Variants in TOR1AIP1 observed in about 807,000 individuals in gnomAD.
TOR1AIP1 encodes the protein torsin 1A interacting protein 1, also known as torsin-1A-interacting protein 1.
In TOR1AIP1, 54 loss-of-function variants were observed where a neutral mutation model predicts 63.3. The observed-to-expected ratio is 0.85, with a 90% CI of 0.69 to 1.07. The LOEUF (loss-of-function observed/expected upper bound fraction) is 1.07, where lower values mean the gene tolerates loss of function less well. TOR1AIP1 is among the 50% of genes least tolerant of loss of function. The probability of loss-of-function intolerance (pLI) is 0.00; values close to 1 mark genes in which losing one functional copy is unlikely to be tolerated. For synonymous variants in TOR1AIP1, 294 were observed against 273.5 expected, an observed-to-expected ratio of 1.07 and a Z score of -0.74; for missense variants, 736 against 715.0, an observed-to-expected ratio of 1.03 and a Z score of -0.33.
chr1:179,908,303 C>T (rs537378883), intron 7 of TOR1AIP1, among the ~76,000 whole-genome samples: 17 of 152,228 alleles, frequency 1.1e-4, no homozygotes, highest in East Asian at 1.9e-4. Context: ...TAATTCACCA[C>T]GGATTGGTAC....
chr1:179,913,720 G>A (rs530576952), intron 8 of TOR1AIP1: 1 of 696,810 alleles, frequency 1.4e-6, no homozygotes, highest in East Asian at 2.7e-5. Context: ...ATACTTAATG[G>A]GTCAAATACT....
chr1:179,895,586 C>T (rs560614050), intron 3 of TOR1AIP1, among the ~76,000 whole-genome samples: 203 of 151,592 alleles, frequency 1.3e-3, no homozygotes, highest in Middle Eastern at 6.8e-3. Context: ...CCAGCCTAGG[C>T]GACAAAAAGA....
intron 6 of TOR1AIP1, among the ~76,000 whole-genome samples, chr1:179,906,906 T>A: frequency 6.6e-6 from 1 of 151,496 alleles, no homozygotes. Context: ...CCTGGCTAAT[T>A]TTTTATATAT....
intron 3 of TOR1AIP1, 115 bp downstream of exon 3, chr1:179,889,484 T>G: frequency 1.3e-6 from 1 of 796,708 alleles, no homozygotes; most frequent in Non-Finnish European, 1.9e-6. Context: ...TAAATATACA[T>G]TAAAAAATCT....
intron 3 of TOR1AIP1, among the ~76,000 whole-genome samples, chr1:179,892,500 G>A (rs1249708410): frequency 6.6e-6 from 1 of 151,232 alleles, no homozygotes; most frequent in African/African-American, 2.4e-5. Context: ...TTCTTTGGGA[G>A]GCCAAGGCGG....
chr1:179,882,861 A>G lies in TOR1AIP1; in HGVS notation c.359A>G (p.Glu120Gly). 1.2e-6 allele frequency: 2 copies of G among 1,614,192 alleles called. No homozygotes were observed. Among genetic ancestry groups the G allele is most frequent in the Non-Finnish European group, 1.7e-6 (2 of 1,180,026 alleles). Reference sequence around the variant, plus strand: ...AGGCAGCCGCGACCCCAGGAAACCGAGGAAATGAAGACGCGAAGGACTACC... The same window carrying G: ...AGGCAGCCGCGACCCCAGGAAACCGGGGAAATGAAGACGCGAAGGACTACC... Reference protein sequence around the residue: ...QRRQPRPQETEEMKTRRTTRL... With the variant: ...QRRQPRPQETGEMKTRRTTRL... The change falls in exon 1 of 10, where the codon GAG (glutamate) becomes GGG (glycine). Residue 120 changes from glutamate to glycine, a missense_variant. By Grantham distance (98) the Glu-to-Gly change is moderately conservative (BLOSUM62 -2). Coordinates refer to ENST00000606911, the MANE Select transcript of TOR1AIP1 (RefSeq NM_015602.4).
chr1:179,883,389 C>T (rs931344859), intron 1 of TOR1AIP1, among the ~76,000 whole-genome samples: 3 of 152,212 alleles, frequency 2.0e-5, no homozygotes, highest in Non-Finnish European at 4.4e-5. Flanking sequence ...CGCTCGCGGG[C>T]CAGAGTCCCC....
chr1:179,882,706 C>A lies in TOR1AIP1; in HGVS notation c.204C>A (p.Gly68=). 6.2e-7 allele frequency: 1 copy of A among 1,612,440 alleles called. No individual in the cohort carries two copies. The change falls in exon 1 of 10, where the codon GGC becomes GGA. Residue 68 remains glycine (G), a synonymous_variant. Coordinates refer to ENST00000606911, the MANE Select transcript of TOR1AIP1 (RefSeq NM_015602.4). ...RFSDEPPEVY[G]DFEPLVAKER... The stretch of plus-strand genomic sequence containing the variant: ...CGGACGAGCCGCCAGAAGTGTACGG[C>A]GACTTCGAGCCCCTGGTGGCCAAAG...
chr1:179,894,241 A>C (rs1648194431), intron 3 of TOR1AIP1, among the ~76,000 whole-genome samples: 1 of 146,800 alleles, frequency 6.8e-6, no homozygotes, highest in Non-Finnish European at 1.5e-5. Context: ...ACAGAGCGAG[A>C]CTCTGTCTCA....
intron 3 of TOR1AIP1, among the ~76,000 whole-genome samples, chr1:179,898,379 GATA>G (rs1648349369): frequency 6.6e-6 from 1 of 152,076 alleles, no homozygotes; most frequent in South Asian, 2.1e-4. Context: ...AGCATTTTAA[GATA>G]ATAACAAAAA....
chr1:179,905,913 A>G (rs1422196352), intron 6 of TOR1AIP1, among the ~76,000 whole-genome samples: 1 of 152,200 alleles, frequency 6.6e-6, no homozygotes, highest in Non-Finnish European at 1.5e-5. Context: ...GGATTGCACC[A>G]CTGCACTCCA....
Position 179,906,254 on chromosome 1 carries a change from C to T in TOR1AIP1, c.797-1569C>T, listed in dbSNP as rs1265040818. On this transcript the variant is annotated intron_variant, in intron 6 of 9. Transcript: ENST00000606911. ...AAAACAAAGCTGAGAGAATATCTGT[C>T]TTATTTACCATAATATTTCTATGTT... Among the ~76,000 whole-genome samples the T allele has an allele frequency of 1.4e-4, 21 of 152,072 alleles. 1 individual carries two copies. The highest frequency in any genetic ancestry group is 1.2e-3 in the Admixed American group (18 of 15,262).
intron 2 of TOR1AIP1, among the ~76,000 whole-genome samples, chr1:179,885,375 A>T (rs1039922778): frequency 3.3e-5 from 5 of 152,220 alleles, no homozygotes; most frequent in African/African-American, 1.2e-4. Context: ...TAAAGTGTTT[A>T]AAAAAATTGT....
intron 6 of TOR1AIP1, 30 bp from the exon 7 acceptor site, chr1:179,907,793 C>G: frequency 6.4e-7 from 1 of 1,562,266 alleles, no homozygotes; most frequent in Non-Finnish European, 8.7e-7. Context: ...TTCAAGTATT[C>G]TATGACCTTA....
chr1:179,905,204 G>A (rs767870512), intron 6 of TOR1AIP1, among the ~76,000 whole-genome samples: 30 of 151,886 alleles, frequency 2.0e-4, no homozygotes, highest in East Asian at 1.7e-3. Context: ...GTGAAACCCC[G>A]TCTCTACTAA....
chr1:179,904,249 A>G (rs1363457488), intron 6 of TOR1AIP1, among the ~76,000 whole-genome samples: 1 of 152,168 alleles, frequency 6.6e-6, no homozygotes, highest in Non-Finnish European at 1.5e-5. Context: ...AAAAACTACT[A>G]CTTCCTGTGA....
intron 2 of TOR1AIP1, 115 bp downstream of exon 2, chr1:179,884,884 C>T (rs989024418): frequency 2.6e-5 from 18 of 696,296 alleles, no homozygotes; most frequent in Non-Finnish European, 4.0e-5. Flanking sequence ...CGTGAGTACT[C>T]AAGAGTACCA....
At chr1:179,901,172 A>G (rs1268673831) in intron 4 of TOR1AIP1, 130 bp from the exon 5 acceptor site, 4 of 497,098 alleles carry the variant, frequency 8.0e-6, no homozygotes, top group Non-Finnish European at 1.4e-5. Context: ...CATGATAAAC[A>G]AACAGTAGTT....
chr1:179,918,310 T>G lies in TOR1AIP1; in HGVS notation c.*71T>G. ...TCACACTTTCTAACCAGAGACAGAA[T>G]TCAGAGCTCTTTTTGAAAGAACTAG... On this transcript the variant is annotated 3_prime_UTR_variant, in exon 10 of 10. Coordinates refer to ENST00000606911, the MANE Select transcript of TOR1AIP1 (RefSeq NM_015602.4). 1 of 1,425,752 alleles carries G rather than the reference T, an allele frequency of 7.0e-7. No individual in the cohort carries two copies. The highest frequency in any genetic ancestry group is 2.3e-5 in the East Asian group (1 of 43,450). 88.3% of individuals were successfully genotyped at this position (1,425,752 alleles called of 1,614,324 possible).
Sources: gnomAD v4.1 joint callset for allele counts (sites outside exome capture counted in the v4.1 genomes callset) on GRCh38, gnomAD v4.1.1 for gene constraint, MANE v1.5 for transcripts, NCBI Gene and HGNC (gene_info 2026-07-23, HGNC 2026-07-21) for gene names.